The following TCF24 variants were observed in gnomAD, a reference collection of about 807,000 sequenced individuals.
TCF24 encodes transcription factor 24.
A neutral mutation model predicts 9.3 loss-of-function variants in TCF24; 5 were observed. The ratio of observed to expected loss-of-function variants is 0.54; its 90% CI spans 0.28 to 1.13. The LOEUF is 1.13. Ranked by LOEUF, TCF24 falls within the 50% of genes most tolerant of loss-of-function variation. The pLI is 0.09. For missense variants in TCF24, 220 were observed against 236.1 expected, an observed-to-expected ratio of 0.93 and a Z score of 0.45; for synonymous variants, 110 against 115.8, an observed-to-expected ratio of 0.95 and a Z score of 0.32.
chr8:66,955,648 G>A (rs1585944457), intron 3 of TCF24, among the ~76,000 whole-genome samples: 1 of 152,208 alleles, frequency 6.6e-6, no homozygotes, highest in Non-Finnish European at 1.5e-5. Context: ...CTCACCCAGA[G>A]AGCTTTAAAT....
intron 3 of TCF24, among the ~76,000 whole-genome samples, chr8:66,956,488 A>C (rs76430727): frequency 6.6e-6 from 1 of 152,040 alleles, no homozygotes; most frequent in African/African-American, 2.4e-5. Context: ...TGAGCCTCCC[A>C]AGTAGCTGGG....
At chr8:66,954,701 C>T (rs1399733733) in intron 3 of TCF24, among the ~76,000 whole-genome samples, 3 of 152,204 alleles carry the variant, frequency 2.0e-5, no homozygotes, top group Admixed American at 6.5e-5. Flanking sequence ...GCCTCGCTGC[C>T]GCCTTGCAGT....
chr8:66,962,093 A>C (rs886355566), intron 1 of TCF24, 106 bp from the exon 2 acceptor site: 1 of 152,828 alleles, frequency 6.5e-6, no homozygotes, highest in Admixed American at 6.5e-5. Flanking sequence ...ACAGCTCAGG[A>C]TCAGCACTCG....
At chr8:66,954,587 G>A (rs944603963) in intron 3 of TCF24, among the ~76,000 whole-genome samples, 4 of 152,200 alleles carry the variant, frequency 2.6e-5, no homozygotes, top group Admixed American at 6.5e-5. Flanking sequence ...GCCTACAGAG[G>A]CAGGCAGGCC....
chr8:66,951,652 T>C (rs544498535), intron 3 of TCF24, among the ~76,000 whole-genome samples: 1 of 152,374 alleles, frequency 6.6e-6, no homozygotes, highest in African/African-American at 2.4e-5. Context: ...TTGAGTAGAA[T>C]AGTTTCAGAA....
intron 3 of TCF24, among the ~76,000 whole-genome samples, chr8:66,948,965 G>A (rs1814011154): frequency 6.6e-6 from 1 of 151,936 alleles, no homozygotes; most frequent in Non-Finnish European, 1.5e-5. Context: ...CAAAGTGCTG[G>A]GATTACAGGC....
intron 3 of TCF24, among the ~76,000 whole-genome samples, chr8:66,953,866 C>T (rs918800901): frequency 6.6e-6 from 1 of 151,764 alleles, no homozygotes; most frequent in Non-Finnish European, 1.5e-5. Context: ...TTGCTGATAC[C>T]CTTTCTTCCA....
chr8:66,953,568 T>G (rs1480937696), intron 3 of TCF24, among the ~76,000 whole-genome samples: 4 of 136,494 alleles, frequency 2.9e-5, no homozygotes, highest in Non-Finnish European at 1.6e-5. Flanking sequence ...CTGACAATTA[T>G]GTGTCTTGGA....
chr8:66,961,779 G>A lies in TCF24; in HGVS notation c.-14C>T, dbSNP rs976547427. The A allele has an allele frequency of 4.5e-6, 5 of 1,110,634 alleles. No individual in the cohort carries two copies. Among genetic ancestry groups the A allele is most frequent in the Non-Finnish European group, 5.5e-6 (5 of 910,362 alleles). 68.8% of individuals were successfully genotyped at this position (1,110,634 alleles called of 1,614,324 possible). ...GCCGCGGTCCATGGCAGCTTCCCGC[G>A]CCGCGCGCGCTGCAAAGGACCGAAG... On this transcript the variant is annotated 5_prime_UTR_variant, in exon 3 of 4. Transcript: ENST00000563496.
In TCF24 at chr8:66,961,384, G is replaced by A; in HGVS notation, c.382C>T (p.Pro128Ser). The change falls in exon 3 of 4, where the codon CCG becomes TCG. Residue 128 changes from proline to serine, a missense_variant. Coordinates refer to ENST00000563496, the MANE Select transcript of TCF24 (RefSeq NM_001193502.2). ...GCGCCCCGCCCGCTTACCTTGACCG[G>A]GTGCAGGTAGCCATCGCCGCGCAGG... The part of the protein sequence containing the change: ...GALRGDGYLH[P>S]VKKWPMRSRL... 6.0e-6 allele frequency: 9 copies of A among 1,495,558 alleles called. No homozygotes were observed. The highest frequency in any genetic ancestry group is 8.0e-6 in the Non-Finnish European group (9 of 1,128,990). 92.6% of individuals were successfully genotyped at this position (1,495,558 alleles called of 1,614,324 possible).
intron 3 of TCF24, among the ~76,000 whole-genome samples, chr8:66,957,253 C>T (rs1585945376): frequency 6.6e-6 from 1 of 150,802 alleles, no homozygotes; most frequent in East Asian, 1.9e-4. Flanking sequence ...CCTGTCTCTA[C>T]CAAAAATACA....
Position 66,947,978 on chromosome 8 carries a change from A to G in TCF24, c.*73T>C, listed in dbSNP as rs1472816690. On this transcript the variant is annotated 3_prime_UTR_variant, in exon 4 of 4. Transcript: ENST00000563496. ...CAGAAATTTTGTTATGTCTCATATA[A>G]TAAATATAGAATTATGTCATAGTAT... The G allele has an allele frequency of 5.4e-6, 6 of 1,121,148 alleles. No individual in the cohort carries two copies. In the South Asian group the frequency reaches 8.6e-5, roughly 16 times the overall value. 69.4% of individuals were successfully genotyped at this position (1,121,148 alleles called of 1,614,324 possible).
intron 3 of TCF24, among the ~76,000 whole-genome samples, chr8:66,960,444 G>A (rs189368123): frequency 4.6e-5 from 7 of 151,954 alleles, no homozygotes; most frequent in Admixed American, 4.6e-4. Flanking sequence ...GTGTGCGCGC[G>A]TGTGGCCAAA....
rs1200690046 is a variant in TCF24, at chr8:66,946,587, A to C, written c.*1464T>G. 1 of 152,182 alleles carries C rather than the reference A, an allele frequency of 6.6e-6. No homozygotes were observed. Among genetic ancestry groups the C allele is most frequent in the Non-Finnish European group, 1.5e-5 (1 of 68,028 alleles). The allele number at this position is 152,182 out of a possible 1,614,324, so 9.4% of individuals were successfully genotyped here. On this transcript the variant is annotated 3_prime_UTR_variant, in exon 4 of 4. Transcript: ENST00000563496. Reference sequence around the variant, plus strand: ...GCATTAAAAGAGCATGCTCTTTTGAATCTGAGTGAAAATATGCAATTTCTC... The same window carrying C: ...GCATTAAAAGAGCATGCTCTTTTGACTCTGAGTGAAAATATGCAATTTCTC...
At chr8:66,949,296 T>G (rs982319353) in intron 3 of TCF24, among the ~76,000 whole-genome samples, 1 of 149,618 alleles carries the variant, frequency 6.7e-6, no homozygotes, top group Non-Finnish European at 1.5e-5. Context: ...GATATTCCCC[T>G]TCCTGGGTCC....
At chr8:66,948,227 C>A in intron 3 of TCF24, 63 bp from the exon 4 acceptor site, 3 of 1,166,894 alleles carry the variant, frequency 2.6e-6, no homozygotes, top group Non-Finnish European at 3.5e-6. Flanking sequence ...TTAACATGGT[C>A]TACAATGTTA....
chr8:66,955,665 T>A (rs562817880), intron 3 of TCF24, among the ~76,000 whole-genome samples: 6 of 152,330 alleles, frequency 3.9e-5, no homozygotes, highest in African/African-American at 1.4e-4. Context: ...AAATAAATAC[T>A]GATGGCAAAG....
At chr8:66,955,867 T>C (rs1387814671) in intron 3 of TCF24, among the ~76,000 whole-genome samples, 2 of 152,216 alleles carry the variant, frequency 1.3e-5, no homozygotes, top group Non-Finnish European at 2.9e-5. Flanking sequence ...TGTGATACTA[T>C]CTGGAAAGTT....
Position 66,947,896 on chromosome 8 carries a change from T to C in TCF24, c.*155A>G. The C allele has an allele frequency of 3.7e-6, 2 of 544,330 alleles. No individual in the cohort carries two copies. The highest frequency in any genetic ancestry group is 6.0e-5 in the East Asian group (2 of 33,586). The allele number at this position is 544,330 out of a possible 1,614,324, so 33.7% of individuals were successfully genotyped here. A position where few individuals can be genotyped will look rare whatever the true frequency, so the allele number is the denominator to read the frequency against. On this transcript the variant is annotated 3_prime_UTR_variant, in exon 4 of 4. Coordinates refer to ENST00000563496, the MANE Select transcript of TCF24 (RefSeq NM_001193502.2). ...GTTTTATATAACACTGATTATTTCA[T>C]TCCACATTTAGACAGATAAACCTGA... is the stretch of plus-strand genomic sequence containing the variant.
Sources: gnomAD v4.1 joint callset for allele counts (sites outside exome capture counted in the v4.1 genomes callset) on GRCh38, gnomAD v4.1.1 for gene constraint, MANE v1.5 for transcripts, NCBI Gene and HGNC (gene_info 2026-07-23, HGNC 2026-07-21) for gene names.